The following BRINP3 variants were observed in gnomAD, a reference collection of about 807,000 sequenced individuals.
The protein encoded by BRINP3 is BMP/retinoic acid-inducible neural-specific protein 3.
Under a neutral mutation model 71.0 loss-of-function variants are expected in BRINP3, and 19 were observed. The ratio of observed to expected loss-of-function variants is 0.27; its 90% CI spans 0.19 to 0.39. The LOEUF (loss-of-function observed/expected upper bound fraction) is 0.39. Among genes scored for constraint, BRINP3 ranks in the 10% least tolerant of loss-of-function variants. The probability of loss-of-function intolerance (pLI) is 1.00; values close to 1 mark genes in which losing one functional copy is unlikely to be tolerated. For missense variants in BRINP3, 959 were observed against 940.8 expected, an observed-to-expected ratio of 1.02 and a Z score of -0.25; for synonymous variants, 380 against 337.7, an observed-to-expected ratio of 1.13 and a Z score of -1.37.
intron 2 of BRINP3, among the ~76,000 whole-genome samples, chr1:190,439,585 T>C (rs907808825): frequency 7.3e-5 from 11 of 151,682 alleles, no homozygotes; most frequent in African/African-American, 2.2e-4. Flanking sequence ...TAGAAAGATG[T>C]TGAGCTGTGT....
At chr1:190,471,487 T>C (rs79590990) in intron 1 of BRINP3, among the ~76,000 whole-genome samples, 4,723 of 151,384 alleles carry the variant, frequency 0.031, 149 homozygotes, top group East Asian at 0.16. Context: ...GAACACATAG[T>C]AGTGCATGAA....
At chr1:190,240,970 T>C (rs1263591007) in intron 4 of BRINP3, among the ~76,000 whole-genome samples, 1 of 151,236 alleles carries the variant, frequency 6.6e-6, no homozygotes, top group Non-Finnish European at 1.5e-5. Flanking sequence ...AAAGTTTCCA[T>C]TATGTTTTAT....
chr1:190,161,146 A>C (rs1473885188), intron 6 of BRINP3, among the ~76,000 whole-genome samples: 1 of 152,116 alleles, frequency 6.6e-6, no homozygotes, highest in Non-Finnish European at 1.5e-5. Flanking sequence ...TTTGTGCTAA[A>C]GCAAATAGTT....
chr1:190,166,109 T>C (rs1430947777), intron 6 of BRINP3, among the ~76,000 whole-genome samples: 1 of 152,190 alleles, frequency 6.6e-6, no homozygotes, highest in African/African-American at 2.4e-5. Flanking sequence ...TGTAAGTCTA[T>C]TCAAACCATT....
At chr1:190,448,047 T>C (rs1426457758) in intron 2 of BRINP3, among the ~76,000 whole-genome samples, 1 of 151,706 alleles carries the variant, frequency 6.6e-6, no homozygotes, top group Non-Finnish European at 1.5e-5. Flanking sequence ...GAGCACTATT[T>C]TATGTTTTTA....
intron 2 of BRINP3, among the ~76,000 whole-genome samples, chr1:190,283,849 AT>A (rs1200620200): frequency 6.6e-6 from 1 of 151,576 alleles, no homozygotes; most frequent in East Asian, 1.9e-4. Flanking sequence ...CAAACATTTA[AT>A]TTTTTAACTC....
At chr1:190,390,109 G>T (rs1162088938) in intron 2 of BRINP3, among the ~76,000 whole-genome samples, 4 of 151,666 alleles carry the variant, frequency 2.6e-5, no homozygotes, top group Non-Finnish European at 5.9e-5. Context: ...AAGGTGAGAG[G>T]GGGTGAGAAC....
intron 3 of BRINP3, among the ~76,000 whole-genome samples, chr1:190,274,951 T>C (rs1414919074): frequency 6.6e-6 from 1 of 151,690 alleles, no homozygotes; most frequent in African/African-American, 2.4e-5. Context: ...CAAGATATTA[T>C]GGGGAGGAAA....
At chr1:190,270,497 A>G (rs1214794831) in intron 3 of BRINP3, among the ~76,000 whole-genome samples, 1 of 151,774 alleles carries the variant, frequency 6.6e-6, no homozygotes, top group Non-Finnish European at 1.5e-5. Flanking sequence ...TATATTCTGA[A>G]GACGAATAAA....
rs1471604215 is a variant in BRINP3 at position 190,097,751 on chromosome 1, CAT to C, written c.*265_*266del. On this transcript the variant is annotated 3_prime_UTR_variant, in exon 8 of 8. Coordinates refer to ENST00000367462, the MANE Select transcript of BRINP3 (RefSeq NM_199051.3). ...AATGCACAAAAGCATTGCCACGGAACATATAAAATTACAAATGAAATTTATTG... is the reference window on the plus strand; with the variant it reads ...AATGCACAAAAGCATTGCCACGGAACATAAAATTACAAATGAAATTTATTG... 8.6e-6 allele frequency: 3 copies of C among 350,502 alleles called. No homozygotes were observed. The highest frequency in any genetic ancestry group is 1.5e-5 in the Non-Finnish European group (3 of 193,566). 21.7% of individuals were successfully genotyped at this position (350,502 alleles called of 1,614,324 possible). A position where few individuals can be genotyped will look rare whatever the true frequency, so the allele number is the denominator to read the frequency against.
intron 4 of BRINP3, among the ~76,000 whole-genome samples, chr1:190,257,832 T>A (rs1482155969): frequency 1.4e-4 from 21 of 152,168 alleles, no homozygotes. Flanking sequence ...CAAATATTGC[T>A]GCCTGTTCCT....
At chr1:190,337,098 GT>G (rs1667339449) in intron 2 of BRINP3, among the ~76,000 whole-genome samples, 1 of 151,902 alleles carries the variant, frequency 6.6e-6, no homozygotes, top group East Asian at 1.9e-4. Context: ...TGAACCATAT[GT>G]TTGATGTTGA....
At chr1:190,457,460 A>AAAAC (rs143410349) in intron 1 of BRINP3, among the ~76,000 whole-genome samples, 1 of 151,230 alleles carries the variant, frequency 6.6e-6, no homozygotes, top group Non-Finnish European at 1.5e-5. Context: ...ACACAAAAAC[A>AAAAC]AAAACAAAAC....
At chr1:190,140,158 G>A (rs1484046803) in intron 7 of BRINP3, among the ~76,000 whole-genome samples, 3 of 152,070 alleles carry the variant, frequency 2.0e-5, no homozygotes, top group East Asian at 3.8e-4. Context: ...CTTAATTTGA[G>A]TATTTTTTAT....
chr1:190,387,923 T>C (rs1671015135), intron 2 of BRINP3, among the ~76,000 whole-genome samples: 1 of 151,842 alleles, frequency 6.6e-6, no homozygotes, highest in East Asian at 1.9e-4. Flanking sequence ...ATTTTAAAAT[T>C]AATAAATCCA....
intron 6 of BRINP3, among the ~76,000 whole-genome samples, chr1:190,163,403 TG>T (rs1651193219): frequency 6.6e-6 from 1 of 151,990 alleles, no homozygotes; most frequent in African/African-American, 2.4e-5. Context: ...TCTAAAATAT[TG>T]GTAATTAGAG....
chr1:190,135,632 T>A (rs984892270), intron 7 of BRINP3, among the ~76,000 whole-genome samples: 1 of 152,096 alleles, frequency 6.6e-6, no homozygotes, highest in Admixed American at 6.6e-5. Flanking sequence ...CCAATGATAC[T>A]TGCATGTGAC....
At chr1:190,232,933 A>G (rs1479025545) in intron 5 of BRINP3, among the ~76,000 whole-genome samples, 1 of 152,148 alleles carries the variant, frequency 6.6e-6, no homozygotes, top group African/African-American at 2.4e-5. Flanking sequence ...TTTTATTTCA[A>G]TTAGAGAAAA....
At chr1:190,421,842 T>A (rs907751843) in intron 2 of BRINP3, among the ~76,000 whole-genome samples, 3 of 151,890 alleles carry the variant, frequency 2.0e-5, no homozygotes, top group Admixed American at 2.0e-4. Flanking sequence ...TGTTAAATCA[T>A]CAGACTTCCA....
Sources: gnomAD v4.1 joint callset for allele counts (sites outside exome capture counted in the v4.1 genomes callset) on GRCh38, gnomAD v4.1.1 for gene constraint, MANE v1.5 for transcripts, NCBI Gene and HGNC (gene_info 2026-07-23, HGNC 2026-07-21) for gene names.